The following ASAP1 variants were observed in gnomAD, a reference collection of about 807,000 sequenced individuals.
ASAP1 encodes the protein ArfGAP with SH3 domain, ankyrin repeat and PH domain 1.
In ASAP1, 43 loss-of-function variants were observed where a neutral mutation model predicts 145.2. The observed-to-expected ratio is 0.30, with a 90% confidence interval of 0.23 to 0.38. The LOEUF (loss-of-function observed/expected upper bound fraction) is 0.38, where lower values mean the gene tolerates loss of function less well. Among genes scored for constraint, ASAP1 ranks in the 10% least tolerant of loss-of-function variants. The probability of loss-of-function intolerance (pLI) is 1.00; values close to 1 mark genes in which losing one functional copy is unlikely to be tolerated. For missense variants in ASAP1, 1,018 were observed against 1,355.3 expected (o/e 0.75, Z 3.91); for synonymous variants, 546 against 515.5 (o/e 1.06, Z -0.80).
At chr8:130,405,484 G>A (rs142686949) in intron 1 of ASAP1, among the ~76,000 whole-genome samples, 338 of 152,328 alleles carry the variant, frequency 2.2e-3, no homozygotes, top group African/African-American at 7.7e-3. Flanking sequence ...GTCTTCATGA[G>A]AGGCTGCTGG....
intron 3 of ASAP1, among the ~76,000 whole-genome samples, chr8:130,240,661 T>C (rs990780637): frequency 6.6e-6 from 1 of 151,904 alleles, no homozygotes; most frequent in East Asian, 1.9e-4. Flanking sequence ...AAGAGTGGGG[T>C]GAGGGGGAAA....
intron 24 of ASAP1, among the ~76,000 whole-genome samples, chr8:130,101,882 T>C (rs1480911336): frequency 6.6e-6 from 1 of 151,928 alleles, no homozygotes; most frequent in Admixed American, 6.6e-5. Context: ...TTTTTCTTGA[T>C]TTTTTAAAGC....
chr8:130,331,076 A>G (rs1824658074), intron 3 of ASAP1, among the ~76,000 whole-genome samples: 1 of 152,192 alleles, frequency 6.6e-6, no homozygotes, highest in Non-Finnish European at 1.5e-5. Flanking sequence ...TTACTTCCCA[A>G]GCAGATGGAC....
intron 3 of ASAP1, among the ~76,000 whole-genome samples, chr8:130,262,055 G>GA (rs1329122735): frequency 6.6e-6 from 1 of 151,808 alleles, no homozygotes; most frequent in African/African-American, 2.4e-5. Flanking sequence ...GCATATGAGG[G>GA]AAAAAATGTA....
Position 130,211,838 on chromosome 8 carries a change from A to G in ASAP1, c.405+2718T>C, listed in dbSNP as rs73427313. On this transcript the variant is annotated intron_variant, in intron 5 of 29. Transcript: ENST00000518721. Reference sequence around the variant, plus strand: ...AAAGTACCAAAGCACCTTCTCTTTAATTTCTACTGTATCAGTTTGCTTAAC... The same window carrying G: ...AAAGTACCAAAGCACCTTCTCTTTAGTTTCTACTGTATCAGTTTGCTTAAC... 7.0e-3 allele frequency among the ~76,000 whole-genome samples: 1,064 copies of G among 152,288 alleles called. 12 individuals carry two copies. The highest frequency in any genetic ancestry group is 0.025 in the African/African-American group (1,028 of 41,564).
rs572701659 is a variant in ASAP1, at chr8:130,298,995, C to T, written c.186+59022G>A. 3.3e-5 allele frequency among the ~76,000 whole-genome samples: 5 copies of T among 152,236 alleles called. No individual in the cohort carries two copies. In the South Asian group the frequency reaches 8.3e-4, roughly 25 times the overall value. On this transcript the variant is annotated intron_variant, in intron 3 of 29. Transcript: ENST00000518721. Reference sequence around the variant, plus strand: ...GTGCTTGGAACATAGCATGTACTTTCGAAACACAAATAAACAAACATCCTT... The same window carrying T: ...GTGCTTGGAACATAGCATGTACTTTTGAAACACAAATAAACAAACATCCTT...
At chr8:130,148,632 A>G (rs1426035098) in intron 13 of ASAP1, among the ~76,000 whole-genome samples, 1 of 152,206 alleles carries the variant, frequency 6.6e-6, no homozygotes, top group Admixed American at 6.5e-5. Flanking sequence ...TGAAGAACAT[A>G]GCTGCTTATA....
intron 27 of ASAP1, among the ~76,000 whole-genome samples, chr8:130,073,012 A>G (rs2097453222): frequency 6.6e-6 from 1 of 151,624 alleles, no homozygotes; most frequent in African/African-American, 2.4e-5. Context: ...TTGTGATGTG[A>G]GAGCAGAGGA....
intron 5 of ASAP1, among the ~76,000 whole-genome samples, chr8:130,197,040 C>A (rs1353755687): frequency 6.6e-6 from 1 of 152,236 alleles, no homozygotes; most frequent in East Asian, 1.9e-4. Flanking sequence ...ACTCATCACT[C>A]CCGGCCTGCG....
Position 130,075,995 on chromosome 8 carries a change from C to T in ASAP1, c.2701+353G>A, listed in dbSNP as rs746086860. Among the ~76,000 whole-genome samples the T allele has an allele frequency of 3.3e-5, 5 of 152,216 alleles. No homozygotes were observed. The East Asian group carries it at 7.7e-4, about 23-fold the overall frequency. Reference sequence around the variant, plus strand: ...AATCTCAGGTTTAGTGAAGCTACTACGTCACCTGCCCAAGGCCACACAGCT... The same window carrying T: ...AATCTCAGGTTTAGTGAAGCTACTATGTCACCTGCCCAAGGCCACACAGCT... On this transcript the variant is annotated intron_variant, in intron 27 of 29. Coordinates refer to ENST00000518721, the MANE Select transcript of ASAP1 (RefSeq NM_018482.4).
intron 2 of ASAP1, among the ~76,000 whole-genome samples, chr8:130,393,887 C>T (rs534874379): frequency 6.6e-6 from 1 of 152,332 alleles, no homozygotes; most frequent in Non-Finnish European, 1.5e-5. Context: ...TCTGTCTTTA[C>T]TGTAATCTCT....
At chr8:130,226,531 A>T (rs1395303988) in intron 4 of ASAP1, among the ~76,000 whole-genome samples, 1 of 152,148 alleles carries the variant, frequency 6.6e-6, no homozygotes, top group African/African-American at 2.4e-5. Context: ...ACTTTGGATG[A>T]TTCATTTCTA....
At chr8:130,256,781 A>ATATATC (rs1819591945) in intron 3 of ASAP1, among the ~76,000 whole-genome samples, 3 of 112,612 alleles carry the variant, frequency 2.7e-5, no homozygotes, top group Middle Eastern at 5.0e-3. Flanking sequence ...ATATATATAT[A>ATATATC]TCCTTATATA....
chr8:130,436,245 C>G (rs1293562577), intron 1 of ASAP1, among the ~76,000 whole-genome samples: 2 of 152,208 alleles, frequency 1.3e-5, no homozygotes, highest in Non-Finnish European at 2.9e-5. Context: ...AAACTCTCAC[C>G]TGTAATCCTA....
chr8:130,264,779 C>G (rs1820142593), intron 3 of ASAP1, among the ~76,000 whole-genome samples: 1 of 152,060 alleles, frequency 6.6e-6, no homozygotes, highest in African/African-American at 2.4e-5. Flanking sequence ...GCTGGTGCAT[C>G]ACAAGTAAAC....
chr8:130,276,926 A>AT (rs1472674240), intron 3 of ASAP1, among the ~76,000 whole-genome samples: 2 of 152,138 alleles, frequency 1.3e-5, no homozygotes, highest in African/African-American at 2.4e-5. Context: ...AGTGAACTCA[A>AT]TGGCAGACGA....
At chr8:130,361,003 C>G (rs1014857706) in intron 2 of ASAP1, 2 of 153,892 alleles carry the variant, frequency 1.3e-5, no homozygotes, top group Non-Finnish European at 2.9e-5. Context: ...TGACAACACA[C>G]GGCACTTAGG....
intron 23 of ASAP1, among the ~76,000 whole-genome samples, chr8:130,113,312 C>G (rs1486633088): frequency 1.3e-5 from 2 of 152,162 alleles, no homozygotes; most frequent in Non-Finnish European, 2.9e-5. Flanking sequence ...ACCATGACTC[C>G]TTCCCTTGGC....
At position 130,109,676 on chromosome 8, in the gene ASAP1, CAG is replaced by C. The variant is rs1241301311; in HGVS notation, c.2401+2416_2401+2417del. On this transcript the variant is annotated intron_variant, in intron 24 of 29. Transcript: ENST00000518721. ...AAAAAAAACATAGGGGCCAAAAAAA[CAG>C]AGAAGAATTATCTCTGCACACAGAG... Among the ~76,000 whole-genome samples the C allele has an allele frequency of 2.0e-5, 3 of 152,124 alleles. No individual in the cohort carries two copies. The East Asian group carries it at 5.8e-4, about 29-fold the overall frequency.
Sources: allele counts gnomAD v4.1 joint callset (sites outside exome capture counted in the v4.1 genomes callset), GRCh38; gene constraint gnomAD v4.1.1; transcripts MANE v1.5; gene names NCBI Gene and HGNC (gene_info 2026-07-23, HGNC 2026-07-21).